The following IMMP2L variants were observed in gnomAD, a reference collection of about 807,000 sequenced individuals.
IMMP2L encodes the protein inner mitochondrial membrane peptidase subunit 2.
Under a neutral mutation model 19.3 loss-of-function variants are expected in IMMP2L, and 18 were observed. That is an observed-to-expected ratio of 0.93 (90% CI 0.64 to 1.38). IMMP2L has a LOEUF of 1.38. Among genes scored for constraint, IMMP2L ranks in the 40% most tolerant of loss-of-function variants. The pLI is 0.00. For synonymous variants in IMMP2L, 76 were observed against 73.0 expected (o/e 1.04, Z -0.21); for missense variants, 233 against 218.2 (o/e 1.07, Z -0.43).
In IMMP2L at chr7:111,534,518, T is replaced by C. The variant is rs918744176; in HGVS notation, c.-2-13069A>G. 5.3e-5 allele frequency among the ~76,000 whole-genome samples: 8 copies of C among 152,162 alleles called. No homozygotes were observed. The East Asian group carries it at 5.8e-4, about 11-fold the overall frequency. ...GAACCAAAATGATGACAGTATTTAT[T>C]TGCAATGAAAGGAATTTCACTTTAT... On this transcript the variant is annotated intron_variant, in intron 1 of 5. Transcript: ENST00000405709.
chr7:110,964,398 T>TA (rs1819311991), intron 3 of IMMP2L, among the ~76,000 whole-genome samples: 1 of 152,040 alleles, frequency 6.6e-6, no homozygotes, highest in Non-Finnish European at 1.5e-5. Flanking sequence ...GCATTTCCTT[T>TA]AAAAAATAAA....
intron 3 of IMMP2L, among the ~76,000 whole-genome samples, chr7:111,437,936 A>G (rs1173297231): frequency 6.6e-6 from 1 of 151,886 alleles, no homozygotes; most frequent in African/African-American, 2.4e-5. Context: ...AGAGATCTTA[A>G]CAGTTCTGTG....
At chr7:111,069,794 C>T (rs1280941657) in intron 3 of IMMP2L, among the ~76,000 whole-genome samples, 1 of 151,978 alleles carries the variant, frequency 6.6e-6, no homozygotes, top group Non-Finnish European at 1.5e-5. Flanking sequence ...ACAAATCATA[C>T]AAAAAAATTG....
intron 4 of IMMP2L, among the ~76,000 whole-genome samples, chr7:110,954,302 A>G (rs1818149704): frequency 6.6e-6 from 1 of 152,042 alleles, no homozygotes; most frequent in South Asian, 2.1e-4. Flanking sequence ...GCATCTTCAT[A>G]GTGGCAATTC....
At chr7:111,114,399 A>G (rs2129584836) in intron 3 of IMMP2L, among the ~76,000 whole-genome samples, 1 of 152,284 alleles carries the variant, frequency 6.6e-6, no homozygotes, top group South Asian at 2.1e-4. Context: ...TCTCTGAGTA[A>G]ATCCTATCGG....
intron 1 of IMMP2L, among the ~76,000 whole-genome samples, chr7:111,537,976 G>A (rs1848046788): frequency 6.6e-6 from 1 of 151,730 alleles, no homozygotes; most frequent in Admixed American, 6.6e-5. Flanking sequence ...CTTTGTTTTG[G>A]CCAGCTTTAC....
chr7:110,730,276 G>T (rs1403958831), intron 5 of IMMP2L, among the ~76,000 whole-genome samples: 1 of 152,086 alleles, frequency 6.6e-6, no homozygotes, highest in African/African-American at 2.4e-5. Flanking sequence ...CTGCCAACGT[G>T]GCTAGAATAA....
chr7:110,843,522 T>C (rs986877842), intron 5 of IMMP2L, among the ~76,000 whole-genome samples: 1 of 152,184 alleles, frequency 6.6e-6, no homozygotes, highest in Non-Finnish European at 1.5e-5. Context: ...TTGTCACTTA[T>C]TCGGTTATAT....
In IMMP2L at chr7:110,991,524, T is replaced by A. The variant is rs573254013; in HGVS notation, c.240-27959A>T. Among the ~76,000 whole-genome samples the A allele has an allele frequency of 2.6e-5, 4 of 152,204 alleles. No homozygotes were observed. In the South Asian group the frequency reaches 8.3e-4, roughly 32 times the overall value. ...TCCATGGTAACATTAAAAACCCTCA[T>A]TTCAGGCCTTTTCTAAATGGGAAAC... is the stretch of plus-strand genomic sequence containing the variant. On this transcript the variant is annotated intron_variant, in intron 3 of 5. Transcript: ENST00000405709.
At chr7:111,097,973 G>A (rs1797583570) in intron 3 of IMMP2L, among the ~76,000 whole-genome samples, 1 of 151,828 alleles carries the variant, frequency 6.6e-6, no homozygotes. Flanking sequence ...CAAGCGAAAA[G>A]AGAATTGTGT....
At chr7:111,065,100 C>T (rs571224681) in intron 3 of IMMP2L, among the ~76,000 whole-genome samples, 3 of 152,168 alleles carry the variant, frequency 2.0e-5, no homozygotes, top group Admixed American at 2.0e-4. Flanking sequence ...AACCTCATGA[C>T]CAGTTGCAGA....
At chr7:111,271,880 C>G (rs924119076) in intron 3 of IMMP2L, among the ~76,000 whole-genome samples, 1 of 152,158 alleles carries the variant, frequency 6.6e-6, no homozygotes, top group Non-Finnish European at 1.5e-5. Context: ...TAACTACTTT[C>G]TCTCTCTGGT....
chr7:110,806,494 T>A (rs946570908), intron 5 of IMMP2L, among the ~76,000 whole-genome samples: 5 of 152,010 alleles, frequency 3.3e-5, no homozygotes, highest in African/African-American at 9.7e-5. Context: ...GTATTCCATA[T>A]CTTATTCCCT....
intron 3 of IMMP2L, among the ~76,000 whole-genome samples, chr7:111,282,572 A>G (rs923050071): frequency 6.6e-6 from 1 of 152,118 alleles, no homozygotes. Flanking sequence ...GGAAATTTAA[A>G]TAACTCTTTT....
At chr7:111,083,291 A>G (rs1796036835) in intron 3 of IMMP2L, among the ~76,000 whole-genome samples, 2 of 152,206 alleles carry the variant, frequency 1.3e-5, no homozygotes, top group Admixed American at 6.5e-5. Context: ...ATAAAAAATT[A>G]TCTCAGCTGA....
At position 111,161,925 on chromosome 7, in the gene IMMP2L, T is replaced by TA. The variant is rs892979106; in HGVS notation, c.240-198361dup. 3.2e-4 allele frequency among the ~76,000 whole-genome samples: 48 copies of TA among 151,986 alleles called. No individual in the cohort carries two copies. In the East Asian group the frequency reaches 8.3e-3, roughly 26 times the overall value. On this transcript the variant is annotated intron_variant, in intron 3 of 5. Transcript: ENST00000405709. ...CACTTCAAATAAAGTATCCAACATTTAAAAAAAATTATATTACGATATGCT... is the reference window on the plus strand; with the variant it reads ...CACTTCAAATAAAGTATCCAACATTTAAAAAAAAATTATATTACGATATGCT...
intron 5 of IMMP2L, among the ~76,000 whole-genome samples, chr7:110,696,425 CTTT>C (rs374621101): frequency 4.2e-5 from 5 of 119,848 alleles, no homozygotes; most frequent in African/African-American, 1.2e-4. Context: ...TCCTTTTTCT[CTTT>C]TTTTTTTTTT....
intron 3 of IMMP2L, among the ~76,000 whole-genome samples, chr7:111,353,418 C>A (rs1388142758): frequency 6.6e-6 from 1 of 152,136 alleles, no homozygotes; most frequent in Non-Finnish European, 1.5e-5. Context: ...TCTTTCCAAT[C>A]TGTTGTTAAA....
At chr7:111,462,561 C>T (rs960777915) in intron 3 of IMMP2L, among the ~76,000 whole-genome samples, 5 of 151,886 alleles carry the variant, frequency 3.3e-5, no homozygotes, top group South Asian at 2.1e-4. Context: ...TTATGAGGTA[C>T]GGGTGACAAT....
Sources: allele counts gnomAD v4.1 joint callset (sites outside exome capture counted in the v4.1 genomes callset), GRCh38; gene constraint gnomAD v4.1.1; transcripts MANE v1.5; gene names NCBI Gene and HGNC (gene_info 2026-07-23, HGNC 2026-07-21).